The following ARHGAP29 variants were observed in gnomAD, a reference collection of about 807,000 sequenced individuals.
The protein encoded by ARHGAP29 is Rho GTPase activating protein 29.
A neutral mutation model predicts 122.6 loss-of-function variants in ARHGAP29; 43 were observed. The observed-to-expected ratio is 0.35, with a 90% CI of 0.27 to 0.45. ARHGAP29 has a LOEUF of 0.45. ARHGAP29 is among the 20% of genes least tolerant of loss of function. The probability of loss-of-function intolerance (pLI) is 1.00; values close to 1 mark genes in which losing one functional copy is unlikely to be tolerated. For missense variants in ARHGAP29, 1,303 were observed against 1,477.2 expected, an observed-to-expected ratio of 0.88 and a Z score of 1.93; for synonymous variants, 506 against 497.1, an observed-to-expected ratio of 1.02 and a Z score of -0.24.
At chr1:94,199,669 T>C (rs1011517067) in intron 12 of ARHGAP29, among the ~76,000 whole-genome samples, 1 of 150,438 alleles carries the variant, frequency 6.6e-6, no homozygotes, top group Non-Finnish European at 1.5e-5. Context: ...ACCATCCCTA[T>C]GCTCCAAAGT....
chr1:94,273,022 T>G (rs75993262), intron 1 of ARHGAP29, among the ~76,000 whole-genome samples: 3,989 of 152,244 alleles, frequency 0.026, 181 homozygotes, highest in African/African-American at 0.091. Flanking sequence ...GAGAATAGAT[T>G]TATACATTAA....
intron 15 of ARHGAP29, 56 bp downstream of exon 15, chr1:94,188,781 A>C (rs368601139): frequency 1.4e-6 from 2 of 1,402,390 alleles, no homozygotes; most frequent in East Asian, 4.6e-5. Flanking sequence ...AAAAATACCT[A>C]AAAAAGGACT....
intron 6 of ARHGAP29, among the ~76,000 whole-genome samples, chr1:94,205,429 A>C (rs1301316642): frequency 6.6e-6 from 1 of 152,204 alleles, no homozygotes; most frequent in East Asian, 1.9e-4. Flanking sequence ...TAAAAGCTTT[A>C]CACAATTCTT....
At chr1:94,203,880 T>TCATG in intron 8 of ARHGAP29, 50 bp downstream of exon 8, 2 of 1,520,578 alleles carry the variant, frequency 1.3e-6, no homozygotes, top group South Asian at 1.1e-5. Context: ...TATTGGGAGT[T>TCATG]CATGAGTAGT....
rs1306089467 is a variant in ARHGAP29, at chr1:94,172,130, T to C, written c.*1739A>G. 1 of 152,218 alleles carries C rather than the reference T, an allele frequency of 6.6e-6. No homozygotes were observed. Among genetic ancestry groups the C allele is most frequent in the African/African-American group, 2.4e-5 (1 of 41,460 alleles). The allele number at this position is 152,218 out of a possible 1,614,324, so 9.4% of individuals were successfully genotyped here. ...AATCTGACAGCCCTATGTTTGAGAT[T>C]TGACTCCACCTGTTACACCTGTGGA... On this transcript the variant is annotated 3_prime_UTR_variant, in exon 23 of 23. Coordinates refer to ENST00000260526, the MANE Select transcript of ARHGAP29 (RefSeq NM_004815.4).
At chr1:94,204,774 T>C (rs112666328) in intron 7 of ARHGAP29, among the ~76,000 whole-genome samples, 2,157 of 152,354 alleles carry the variant, frequency 0.014, 42 homozygotes, top group African/African-American at 0.048. Context: ...TGTTATCTCC[T>C]GACCATATTA....
intron 3 of ARHGAP29, among the ~76,000 whole-genome samples, chr1:94,215,516 A>T (rs1651908018): frequency 6.6e-6 from 1 of 152,146 alleles, no homozygotes; most frequent in African/African-American, 2.4e-5. Flanking sequence ...AAATAGATAT[A>T]TGTGAGAATG....
rs140474609 is a variant in ARHGAP29, at chr1:94,206,213, C to A, written c.511-530G>T. 5.7e-3 allele frequency among the ~76,000 whole-genome samples: 869 copies of A among 152,186 alleles called. 4 individuals carry two copies. Among genetic ancestry groups the A allele is most frequent in the Non-Finnish European group, 9.9e-3 (671 of 68,004 alleles). On this transcript the variant is annotated intron_variant, in intron 5 of 22. Coordinates refer to ENST00000260526, the MANE Select transcript of ARHGAP29 (RefSeq NM_004815.4). ...AGCTATTTGAACATTTAATAAGTGG[C>A]TAGTGTGACTAGGAGGTGGAAGTGA...
intron 2 of ARHGAP29, among the ~76,000 whole-genome samples, 197 bp downstream of exon 2, chr1:94,231,210 G>A (rs1161855431): frequency 6.6e-6 from 1 of 151,962 alleles, no homozygotes; most frequent in East Asian, 1.9e-4. Context: ...TCACACTGAA[G>A]TTTCTATTAG....
In ARHGAP29 at chr1:94,178,053, A is replaced by G; in HGVS notation, c.2595T>C (p.Leu865=). 1.2e-6 allele frequency: 2 copies of G among 1,614,190 alleles called. No individual in the cohort carries two copies. Among genetic ancestry groups the G allele is most frequent in the Non-Finnish European group, 1.7e-6 (2 of 1,180,026 alleles). ...PTTAPITISS[L]AEYSNQARLV... The stretch of plus-strand genomic sequence containing the variant: ...AGCGTGCTTGATTTGAATACTCTGC[A>G]AGGGAGGAGATGGTGATAGGAGCAG... The change falls in exon 21 of 23, where the codon CTT becomes CTC. Residue 865 remains leucine, a synonymous_variant. Coordinates refer to ENST00000260526, the MANE Select transcript of ARHGAP29 (RefSeq NM_004815.4).
At position 94,170,439 on chromosome 1, in the gene ARHGAP29, T is replaced by C. The variant is rs1262575890; in HGVS notation, c.*3430A>G. On this transcript the variant is annotated 3_prime_UTR_variant, in exon 23 of 23. Transcript: ENST00000260526. ...GTCTGAAAAGATGTTCTGGACTGAA[T>C]GAAACAAGAGATAGGGCAACTAAAT... is the stretch of plus-strand genomic sequence containing the variant. 2.0e-5 allele frequency among the ~76,000 whole-genome samples: 3 copies of C among 152,150 alleles called. No individual in the cohort carries two copies. The highest frequency in any genetic ancestry group is 4.4e-5 in the Non-Finnish European group (3 of 68,022).
At chr1:94,192,029 C>G (rs1650160693) in intron 12 of ARHGAP29, 2 of 152,138 alleles carry the variant, frequency 1.3e-5, no homozygotes, top group African/African-American at 4.8e-5. Flanking sequence ...TAAATGACTT[C>G]TAAGGTAATT....
the ARHGAP29 span, among the ~76,000 whole-genome samples, chr1:94,295,866 G>T: frequency 6.6e-6 from 1 of 152,054 alleles, no homozygotes; most frequent in African/African-American, 2.4e-5. Context: ...CAGGATTGTA[G>T]AGAACCCTGA....
intron 12 of ARHGAP29, among the ~76,000 whole-genome samples, chr1:94,200,473 G>A (rs1173643518): frequency 6.6e-6 from 1 of 152,148 alleles, no homozygotes; most frequent in Non-Finnish European, 1.5e-5. Flanking sequence ...AGCCACTCTG[G>A]AAAACAGTTT....
the ARHGAP29 span, among the ~76,000 whole-genome samples, chr1:94,314,319 A>G: frequency 1.3e-5 from 2 of 152,164 alleles, no homozygotes; most frequent in Non-Finnish European, 2.9e-5. Context: ...TGCCTCTCAG[A>G]GTCATTGCAT....
chr1:94,187,456 A>G (rs182433217), intron 15 of ARHGAP29, among the ~76,000 whole-genome samples: 69 of 152,310 alleles, frequency 4.5e-4, no homozygotes, highest in African/African-American at 1.5e-3. Context: ...TCCATTTTAT[A>G]ACTATTCTAA....
At chr1:94,185,736 C>A (rs1649757418) in intron 16 of ARHGAP29, among the ~76,000 whole-genome samples, 1 of 152,056 alleles carries the variant, frequency 6.6e-6, no homozygotes, top group Non-Finnish European at 1.5e-5. Context: ...AATAACATGA[C>A]ATAACGTTTT....
the ARHGAP29 span, among the ~76,000 whole-genome samples, chr1:94,280,209 AC>A: frequency 6.6e-6 from 1 of 152,242 alleles, no homozygotes; most frequent in South Asian, 2.1e-4. Context: ...GGAGAGATTA[AC>A]AAGAGGACAC....
At chr1:94,229,067 T>C (rs1652782036) in intron 2 of ARHGAP29, among the ~76,000 whole-genome samples, 1 of 151,740 alleles carries the variant, frequency 6.6e-6, no homozygotes, top group Admixed American at 6.6e-5. Flanking sequence ...GGAGGGCTAC[T>C]GAGAAATTAC....
Sources: gnomAD v4.1 joint callset for allele counts (sites outside exome capture counted in the v4.1 genomes callset) on GRCh38, gnomAD v4.1.1 for gene constraint, MANE v1.5 for transcripts, NCBI Gene and HGNC (gene_info 2026-07-23, HGNC 2026-07-21) for gene names.